Variants in IMMP2L observed in about 807,000 individuals in gnomAD.
The protein encoded by IMMP2L is inner mitochondrial membrane peptidase subunit 2, also known as mitochondrial inner membrane protease subunit 2.
IMMP2L carries 18 observed loss-of-function variants against 19.3 expected under a neutral mutation model. The ratio of observed to expected loss-of-function variants is 0.93; its 90% CI spans 0.64 to 1.38. The LOEUF (loss-of-function observed/expected upper bound fraction) is 1.38. IMMP2L is among the 40% of genes most tolerant of loss of function. IMMP2L has a pLI of 0.00. For synonymous variants in IMMP2L, 76 were observed against 73.0 expected, an observed-to-expected ratio of 1.04 and a Z score of -0.21; for missense variants, 233 against 218.2, an observed-to-expected ratio of 1.07 and a Z score of -0.43.
chr7:110,672,182 G>A (rs1440936702), intron 5 of IMMP2L, among the ~76,000 whole-genome samples: 2 of 152,136 alleles, frequency 1.3e-5, no homozygotes, highest in Non-Finnish European at 2.9e-5. Context: ...AGCAGAAGGG[G>A]AAGCAAACAT....
chr7:110,825,225 T>G (rs1398238751), intron 5 of IMMP2L, among the ~76,000 whole-genome samples: 1 of 152,118 alleles, frequency 6.6e-6, no homozygotes, highest in Non-Finnish European at 1.5e-5. Context: ...CGCTCATGGA[T>G]AGGAAGAATC....
chr7:111,458,956 T>C (rs1315479625), intron 3 of IMMP2L, among the ~76,000 whole-genome samples: 1 of 152,184 alleles, frequency 6.6e-6, no homozygotes, highest in Non-Finnish European at 1.5e-5. Flanking sequence ...ATAATTATCC[T>C]ATGTAATCCT....
intron 3 of IMMP2L, among the ~76,000 whole-genome samples, chr7:111,374,005 T>A (rs1187195824): frequency 6.6e-6 from 1 of 151,902 alleles, no homozygotes; most frequent in Admixed American, 6.6e-5. Flanking sequence ...CAATTTCTAA[T>A]GGTAGGTTTG....
chr7:111,366,354 A>G (rs1829761472), intron 3 of IMMP2L, among the ~76,000 whole-genome samples: 1 of 151,720 alleles, frequency 6.6e-6, no homozygotes, highest in Admixed American at 6.6e-5. Flanking sequence ...GAAAAAAAAA[A>G]AAAGAAAGAG....
rs185494783 is a variant in IMMP2L at position 110,704,850 on chromosome 7, A to G, written c.409-41129T>C. ...ACTCTTTCTTCATCCTGTTTGTCTA[A>G]TACTACCCCTCATTTTAAACTTGGC... On this transcript the variant is annotated intron_variant, in intron 5 of 5. Coordinates refer to ENST00000405709, the MANE Select transcript of IMMP2L (RefSeq NM_032549.4). Among the ~76,000 whole-genome samples, 18 of 152,292 alleles carry G rather than the reference A, an allele frequency of 1.2e-4. No homozygotes were observed. In the East Asian group the frequency reaches 3.1e-3, roughly 26 times the overall value.
chr7:110,840,263 C>G (rs1181860661), intron 5 of IMMP2L, among the ~76,000 whole-genome samples: 1 of 152,090 alleles, frequency 6.6e-6, no homozygotes, highest in Non-Finnish European at 1.5e-5. Context: ...CTTCGCCATC[C>G]CGGTTTTCTG....
At chr7:110,786,966 C>A (rs1471319357) in intron 5 of IMMP2L, among the ~76,000 whole-genome samples, 1 of 151,892 alleles carries the variant, frequency 6.6e-6, no homozygotes, top group East Asian at 1.9e-4. Flanking sequence ...ACTTGGGATA[C>A]ATAGCATGAT....
At chr7:111,480,615 A>C (rs1585278907) in intron 3 of IMMP2L, among the ~76,000 whole-genome samples, 2 of 150,582 alleles carry the variant, frequency 1.3e-5, no homozygotes, top group Admixed American at 6.6e-5. Context: ...AAAAAAAAAA[A>C]AAAAAAACTG....
At chr7:111,011,722 C>T (rs1308368200) in intron 3 of IMMP2L, among the ~76,000 whole-genome samples, 2 of 152,104 alleles carry the variant, frequency 1.3e-5, no homozygotes, top group African/African-American at 4.8e-5. Flanking sequence ...AGTGTTTTCT[C>T]TATATGAGTG....
rs1825975995 is a variant in IMMP2L, at chr7:111,332,497, C to A, written c.239+154741G>T. On this transcript the variant is annotated intron_variant, in intron 3 of 5. Coordinates refer to ENST00000405709, the MANE Select transcript of IMMP2L (RefSeq NM_032549.4). Reference sequence around the variant, plus strand: ...ATAAAGACATATTAAATATAAATATCTATGTACCAAATAATATAGTACCTT... The same window carrying A: ...ATAAAGACATATTAAATATAAATATATATGTACCAAATAATATAGTACCTT... 2.0e-5 allele frequency among the ~76,000 whole-genome samples: 3 copies of A among 151,856 alleles called. No homozygotes were observed. In the South Asian group the frequency reaches 6.2e-4, roughly 32 times the overall value.
rs762576425 is a variant in IMMP2L, at chr7:111,268,569, C to CTTTTTTTTTTTTTTTTTTTTTTTTTT, written c.239+218643_239+218668dup. 1.3e-4 allele frequency among the ~76,000 whole-genome samples: 6 copies of CTTTTTTTTTTTTTTTTTTTTTTTTTT among 44,592 alleles called. 1 individual carries two copies. The highest frequency in any genetic ancestry group is 7.6e-4 in the East Asian group (1 of 1,324). 29.3% of individuals were successfully genotyped at this position (44,592 alleles called of 152,430 possible). ...GATATGAGTTAAACTTCACATTTCT[C>CTTTTTTTTTTTTTTTTTTTTTTTTTT]TTTTTTTTTTTTTTTTTTTTTTTTT... On this transcript the variant is annotated intron_variant, in intron 3 of 5. Coordinates refer to ENST00000405709, the MANE Select transcript of IMMP2L (RefSeq NM_032549.4).
At chr7:110,966,162 T>C (rs1819524731) in intron 3 of IMMP2L, among the ~76,000 whole-genome samples, 1 of 152,084 alleles carries the variant, frequency 6.6e-6, no homozygotes, top group Non-Finnish European at 1.5e-5. Flanking sequence ...TGAAACCGTA[T>C]GTTAGAAAAT....
intron 3 of IMMP2L, among the ~76,000 whole-genome samples, chr7:111,195,316 A>T (rs943142274): frequency 4.6e-5 from 7 of 152,200 alleles, no homozygotes; most frequent in Admixed American, 3.9e-4. Context: ...TTTTTTTCAA[A>T]ACTTATCTAT....
intron 4 of IMMP2L, among the ~76,000 whole-genome samples, chr7:110,930,631 C>A (rs763772751): frequency 1.3e-5 from 2 of 152,010 alleles, no homozygotes; most frequent in Non-Finnish European, 1.5e-5. Context: ...AACATAAAAC[C>A]CAAACTACTT....
chr7:111,047,718 C>G (rs1165953273), intron 3 of IMMP2L, among the ~76,000 whole-genome samples: 4 of 152,068 alleles, frequency 2.6e-5, no homozygotes, highest in African/African-American at 9.7e-5. Context: ...TCTAGAGACC[C>G]AGCTGCAAAA....
intron 3 of IMMP2L, among the ~76,000 whole-genome samples, chr7:111,152,951 T>C (rs979797677): frequency 1.3e-5 from 2 of 152,106 alleles, no homozygotes; most frequent in Non-Finnish European, 2.9e-5. Context: ...GATAGCTGGA[T>C]AAATATCAAG....
chr7:111,124,855 A>C, intron 3 of IMMP2L: 1 of 1,611,596 alleles, frequency 6.2e-7, no homozygotes, highest in Non-Finnish European at 8.5e-7. Context: ...TACATCACTG[A>C]AAGTAAAAGC....
intron 5 of IMMP2L, among the ~76,000 whole-genome samples, chr7:110,832,667 T>C (rs1186379131): frequency 1.3e-5 from 2 of 152,098 alleles, no homozygotes; most frequent in Non-Finnish European, 2.9e-5. Context: ...GACAGGCATT[T>C]TGCACATAGT....
chr7:110,967,198 G>T (rs1016502856), intron 3 of IMMP2L, among the ~76,000 whole-genome samples: 2 of 152,014 alleles, frequency 1.3e-5, no homozygotes, highest in South Asian at 4.1e-4. Context: ...ATGGTTGCAG[G>T]CCAAGGAGTG....
Sources: gnomAD v4.1 joint callset for allele counts (sites outside exome capture counted in the v4.1 genomes callset) on GRCh38, gnomAD v4.1.1 for gene constraint, MANE v1.5 for transcripts, NCBI Gene and HGNC (gene_info 2026-07-23, HGNC 2026-07-21) for gene names.